Variants in GLRA3 observed in about 807,000 individuals in gnomAD.
GLRA3 encodes the protein glycine receptor subunit alpha-3.
A neutral mutation model predicts 60.4 loss-of-function variants in GLRA3; 44 were observed. The observed-to-expected ratio is 0.73, with a 90% CI of 0.57 to 0.94. The LOEUF is 0.94. Among genes scored for constraint, GLRA3 ranks in the 40% least tolerant of loss-of-function variants. GLRA3 has a pLI of 0.00. For synonymous variants in GLRA3, 223 were observed against 192.9 expected (o/e 1.16, Z -1.29); for missense variants, 508 against 564.6 (o/e 0.90, Z 1.02).
At chr4:174,698,722 A>C (rs1045815628) in intron 5 of GLRA3, among the ~76,000 whole-genome samples, 1 of 152,204 alleles carries the variant, frequency 6.6e-6, no homozygotes, top group Admixed American at 6.5e-5. Context: ...AACATCAGAG[A>C]ATAAAATTAT....
At chr4:174,823,966 C>T (rs551324195) in intron 1 of GLRA3, among the ~76,000 whole-genome samples, 2 of 152,274 alleles carry the variant, frequency 1.3e-5, no homozygotes, top group African/African-American at 4.8e-5. Flanking sequence ...ATGTTCTGTT[C>T]CAAGTGTTCT....
Position 174,643,859 on chromosome 4 carries a change from A to C in GLRA3, c.1322T>G (p.Leu441Trp). ...ISRACFPLAF[L>W]IFNIFYWVIY... is the part of the protein sequence containing the mutation. ...AACCCAGTAGAAAATATTAAAAATC[A>C]AAAAAGCTAATGGGAAGCAGGCTCG... The change falls in exon 10 of 10, where the codon TTG becomes TGG. Residue 441 changes from leucine (L) to tryptophan (W), a missense_variant. Leu to Trp is a moderately conservative substitution (Grantham distance 61). Around this residue, in one of 3 missense-constraint regions of GLRA3, gnomAD observed 176 missense variants for 197.9 expected, o/e 0.89. Coordinates refer to ENST00000274093, the MANE Select transcript of GLRA3 (RefSeq NM_006529.4). 6.2e-7 allele frequency: 1 copy of C among 1,614,044 alleles called. No individual in the cohort carries two copies.
At chr4:174,814,017 C>A (rs180937103) in intron 1 of GLRA3, among the ~76,000 whole-genome samples, 1 of 152,240 alleles carries the variant, frequency 6.6e-6, no homozygotes, top group Admixed American at 6.5e-5. Context: ...GGCTTCTGGG[C>A]GCTGGCAGGA....
intron 3 of GLRA3, among the ~76,000 whole-genome samples, chr4:174,751,670 G>A (rs533074766): frequency 2.0e-5 from 3 of 152,068 alleles, no homozygotes; most frequent in Non-Finnish European, 4.4e-5. Context: ...GTAGCCCACT[G>A]AGTAATGAGT....
chr4:174,786,532 A>G (rs79578521), intron 2 of GLRA3, among the ~76,000 whole-genome samples: 1,744 of 152,280 alleles, frequency 0.011, 16 homozygotes, highest in Non-Finnish European at 0.017. Context: ...TAAGGAAGAA[A>G]TAGCATGTAA....
At chr4:174,818,280 T>C (rs1327953810) in intron 1 of GLRA3, among the ~76,000 whole-genome samples, 1 of 152,220 alleles carries the variant, frequency 6.6e-6, no homozygotes, top group Non-Finnish European at 1.5e-5. Context: ...TTTTTACTAC[T>C]ATGTTTTTGA....
rs1217632235 is a variant in GLRA3, at chr4:174,640,717, T to C, written c.*3069A>G. 1 of 152,028 alleles carries C rather than the reference T, an allele frequency of 6.6e-6. No homozygotes were observed. The highest frequency in any genetic ancestry group is 1.5e-5 in the Non-Finnish European group (1 of 67,966). The allele number at this position is 152,028 out of a possible 1,614,324, so 9.4% of individuals were successfully genotyped here. On this transcript the variant is annotated 3_prime_UTR_variant, in exon 10 of 10. Coordinates refer to ENST00000274093, the MANE Select transcript of GLRA3 (RefSeq NM_006529.4). ...GGTATTCATAAACTAATACATGAATTCATGTCTTAGGGATATATAAATATA... is the reference window on the plus strand; with the variant it reads ...GGTATTCATAAACTAATACATGAATCCATGTCTTAGGGATATATAAATATA...
In GLRA3 at chr4:174,766,857, T is replaced by A. The variant is rs547541055; in HGVS notation, c.267+106A>T. ...TAATTATACTATTAATTTTACATTT[T>A]AAAATCTTGTTATACTAATTTGGGT... On this transcript the variant is annotated intron_variant, in intron 3 of 9. Coordinates refer to ENST00000274093, the MANE Select transcript of GLRA3 (RefSeq NM_006529.4). 3 of 621,936 alleles carry A rather than the reference T, an allele frequency of 4.8e-6. No homozygotes were observed. The South Asian group carries it at 7.1e-5, about 15-fold the overall frequency. 38.5% of individuals were successfully genotyped at this position (621,936 alleles called of 1,614,324 possible).
intron 7 of GLRA3, among the ~76,000 whole-genome samples, chr4:174,676,191 G>T (rs1328448919): frequency 6.6e-6 from 1 of 151,928 alleles, no homozygotes; most frequent in Non-Finnish European, 1.5e-5. Context: ...AGCAATATTG[G>T]GTCTTTTACA....
intron 1 of GLRA3, among the ~76,000 whole-genome samples, chr4:174,817,763 C>T (rs1360260495): frequency 1.3e-5 from 2 of 152,054 alleles, no homozygotes; most frequent in African/African-American, 2.4e-5. Flanking sequence ...TGCACCACAA[C>T]ACCCAGCTAA....
At chr4:174,650,871 G>A (rs1166683532) in intron 9 of GLRA3, among the ~76,000 whole-genome samples, 1 of 152,178 alleles carries the variant, frequency 6.6e-6, no homozygotes, top group Non-Finnish European at 1.5e-5. Flanking sequence ...CCCATATGTG[G>A]TGAGAGCTTG....
Position 174,637,712 on chromosome 4 carries a change from G to C in GLRA3, c.*6074C>G, listed in dbSNP as rs531014714. The C allele has an allele frequency of 1.4e-4, 21 of 152,210 alleles. 1 individual carries two copies. In the East Asian group the frequency reaches 3.9e-3, roughly 28 times the overall value. The allele number at this position is 152,210 out of a possible 1,614,324, so 9.4% of individuals were successfully genotyped here. A position where few individuals can be genotyped will look rare whatever the true frequency, so the allele number is the denominator to read the frequency against. Reference sequence around the variant, plus strand: ...ACACACAATATGGTTAATATGGTTTGCTGCTAGTTTTTTTAAATTCATATT... The same window carrying C: ...ACACACAATATGGTTAATATGGTTTCCTGCTAGTTTTTTTAAATTCATATT... On this transcript the variant is annotated 3_prime_UTR_variant, in exon 10 of 10. Transcript: ENST00000274093.
intron 9 of GLRA3, 49 bp from the exon 10 acceptor site, chr4:174,644,113 G>T: frequency 9.6e-7 from 1 of 1,037,256 alleles, no homozygotes; most frequent in Non-Finnish European, 1.5e-6. Context: ...AATAGAGCAT[G>T]TATAACAGGC....
chr4:174,739,166 A>C (rs1026108924), intron 3 of GLRA3, among the ~76,000 whole-genome samples: 5 of 152,214 alleles, frequency 3.3e-5, no homozygotes, highest in African/African-American at 1.2e-4. Flanking sequence ...TCTAAGAAGA[A>C]AACTTAAAAC....
chr4:174,682,487 A>C (rs1299045114), intron 6 of GLRA3, among the ~76,000 whole-genome samples: 1 of 152,226 alleles, frequency 6.6e-6, no homozygotes, highest in African/African-American at 2.4e-5. Context: ...AAGAATGGTT[A>C]AAAACACATT....
At chr4:174,691,849 G>A (rs1282321022) in intron 5 of GLRA3, among the ~76,000 whole-genome samples, 21 of 151,872 alleles carry the variant, frequency 1.4e-4, no homozygotes, top group East Asian at 3.9e-4. Context: ...CTGCCTGGCC[G>A]CCCATCGTCT....
At chr4:174,749,725 T>A (rs1341441827) in intron 3 of GLRA3, among the ~76,000 whole-genome samples, 2 of 152,052 alleles carry the variant, frequency 1.3e-5, no homozygotes, top group Non-Finnish European at 2.9e-5. Flanking sequence ...ACCAGGGATT[T>A]TTCATGACTC....
chr4:174,774,638 G>T (rs181705901), intron 2 of GLRA3, among the ~76,000 whole-genome samples: 203 of 152,172 alleles, frequency 1.3e-3, no homozygotes, highest in Middle Eastern at 6.8e-3. Context: ...CTAAATAACT[G>T]AATAAGAATA....
At chr4:174,748,467 C>T (rs1737335028) in intron 3 of GLRA3, among the ~76,000 whole-genome samples, 1 of 152,054 alleles carries the variant, frequency 6.6e-6, no homozygotes, top group South Asian at 2.1e-4. Context: ...CCAGGGAAAG[C>T]TTTCATTTTA....
Sources: gnomAD v4.1 joint callset for allele counts (sites outside exome capture counted in the v4.1 genomes callset) on GRCh38, gnomAD v4.1.1 for gene constraint, gnomAD v4.1.1 regional missense constraint, MANE v1.5 for transcripts, NCBI Gene and HGNC (gene_info 2026-07-23, HGNC 2026-07-21) for gene names.